Variants in SEC63 observed in about 807,000 individuals in gnomAD.
SEC63 encodes the protein SEC63 protein translocation regulator.
SEC63 carries 56 observed loss-of-function variants against 116.2 expected under a neutral mutation model. The observed-to-expected ratio is 0.48, with a 90% confidence interval of 0.39 to 0.60. The LOEUF is 0.60. Ranked by LOEUF, SEC63 falls within the 20% of genes least tolerant of loss-of-function variation. The probability of loss-of-function intolerance (pLI) is 0.00; values close to 1 mark genes in which losing one functional copy is unlikely to be tolerated. For missense variants in SEC63, 668 were observed against 900.0 expected (o/e 0.74, Z 3.30); for synonymous variants, 273 against 294.6 (o/e 0.93, Z 0.75).
chr6:107,901,321 C>T, intron 13 of SEC63, 49 bp downstream of exon 13: 1 of 1,561,602 alleles, frequency 6.4e-7, no homozygotes. Flanking sequence ...AAATGAGAAC[C>T]AATCTATCAA....
At chr6:107,914,387 A>C (rs749792528) in intron 4 of SEC63, among the ~76,000 whole-genome samples, 1 of 152,180 alleles carries the variant, frequency 6.6e-6, no homozygotes, top group Non-Finnish European at 1.5e-5. Context: ...GAGGCAATGT[A>C]GTTTCTATTT....
intron 17 of SEC63, 118 bp downstream of exon 17, chr6:107,882,870 A>G (rs1786442953): frequency 4.5e-6 from 3 of 666,982 alleles, no homozygotes; most frequent in Non-Finnish European, 7.8e-6. Context: ...AAATATACAG[A>G]TATTATTTAA....
intron 1 of SEC63, among the ~76,000 whole-genome samples, chr6:107,947,654 A>G (rs1290458974): frequency 2.6e-5 from 4 of 152,230 alleles, no homozygotes; most frequent in Admixed American, 2.0e-4. Flanking sequence ...AGCTTTCAAG[A>G]GGACAAGAAA....
In SEC63 at chr6:107,941,781, A is replaced by G. The variant is rs145571541; in HGVS notation, c.125-12267T>C. On this transcript the variant is annotated intron_variant, in intron 1 of 20. Transcript: ENST00000369002. ...AATTAGAGGGCTGCCCTGCTGCTTC[A>G]ATCAGGGCCTGTAAGGGCCCTTTTG... 4.1e-3 allele frequency among the ~76,000 whole-genome samples: 630 copies of G among 152,346 alleles called. 4 individuals are homozygous for G. Among genetic ancestry groups the G allele is most frequent in the African/African-American group, 0.014 (591 of 41,586 alleles).
chr6:107,880,037 A>AC (rs1300747250), intron 18 of SEC63, among the ~76,000 whole-genome samples: 1 of 152,206 alleles, frequency 6.6e-6, no homozygotes, highest in Non-Finnish European at 1.5e-5. Flanking sequence ...AATGGAATTT[A>AC]CTTGCTTCAT....
intron 19 of SEC63, among the ~76,000 whole-genome samples, chr6:107,874,551 A>T (rs1003761726): frequency 1.4e-5 from 2 of 147,324 alleles, no homozygotes; most frequent in African/African-American, 5.0e-5. Context: ...AGCCGAGATC[A>T]TGCCACTGCA....
rs1040414631 is a variant in SEC63, at chr6:107,868,116, A to G, written c.*3588T>C. ...GAGACATATTTGGACTAATCACTAC[A>G]CAGCTGGCAAAATGTTATGGTTCAC... On this transcript the variant is annotated 3_prime_UTR_variant, in exon 21 of 21. Coordinates refer to ENST00000369002, the MANE Select transcript of SEC63 (RefSeq NM_007214.5). 1 of 26,656 alleles carries G rather than the reference A, an allele frequency of 3.8e-5. No homozygotes were observed. Among genetic ancestry groups the G allele is most frequent in the Non-Finnish European group, 8.5e-5 (1 of 11,788 alleles). 1.7% of individuals were successfully genotyped at this position (26,656 alleles called of 1,614,324 possible).
chr6:107,875,950 A>G, intron 19 of SEC63, among the ~76,000 whole-genome samples: 1 of 152,230 alleles, frequency 6.6e-6, no homozygotes, highest in South Asian at 2.1e-4. Flanking sequence ...CCACTTGATT[A>G]TAAAGGGTTA....
At chr6:107,951,741 T>C (rs1457810011) in intron 1 of SEC63, among the ~76,000 whole-genome samples, 1 of 151,790 alleles carries the variant, frequency 6.6e-6, no homozygotes, top group Admixed American at 6.6e-5. Flanking sequence ...CCCAGCACTT[T>C]GGGAGGCTGA....
intron 10 of SEC63, 88 bp from the exon 11 acceptor site, chr6:107,904,809 G>A: frequency 1.0e-6 from 1 of 952,588 alleles, no homozygotes; most frequent in Non-Finnish European, 1.7e-6. Context: ...TAATATTAAA[G>A]TTATGCCACA....
chr6:107,924,816 ACAGGATC>A lies in SEC63; in HGVS notation c.334_339+1del. ...TATGCATTATATAAAAATACTACTT[ACAGGATC>A]CAAATTTAATACTTCATAAGGATTG... On this transcript the variant is annotated splice_donor_variant and coding_sequence_variant, in exon 3 of 21. Transcript: ENST00000369002. LOFTEE classifies it high-confidence loss of function. The A allele has an allele frequency of 7.2e-7, 1 of 1,396,414 alleles. No homozygotes were observed. The highest frequency in any genetic ancestry group is 1.7e-5 in the Admixed American group (1 of 59,732). The allele number at this position is 1,396,414 out of a possible 1,614,324, so 86.5% of individuals were successfully genotyped here.
chr6:107,881,207 GCTCT>G lies in SEC63; in HGVS notation c.1873_1876del (p.Arg625LeufsTer9). On this transcript the variant is annotated frameshift_variant, in exon 18 of 21. Transcript: ENST00000369002. LOFTEE classifies it high-confidence loss of function. ...TATTTTTGATTTGGTTTCCAATAGAGCTCTCTCTTTTCGCTGTATGCTTTGTTGT... is the reference window on the plus strand; with the variant it reads ...TATTTTTGATTTGGTTTCCAATAGAGCTCTTTTCGCTGTATGCTTTGTTGT... The G allele has an allele frequency of 1.2e-6, 2 of 1,613,072 alleles. No individual in the cohort carries two copies. The highest frequency in any genetic ancestry group is 1.7e-6 in the Non-Finnish European group (2 of 1,179,702).
intron 8 of SEC63, among the ~76,000 whole-genome samples, chr6:107,907,474 C>T (rs193033980): frequency 6.6e-6 from 1 of 151,942 alleles, no homozygotes; most frequent in East Asian, 1.9e-4. Flanking sequence ...CCCAGCTACT[C>T]GGGAGGCTGA....
Position 107,871,587 on chromosome 6 carries a change from A to T in SEC63, c.*117T>A. ...TATATTATGCACCCATTTCAAGAGT[A>T]AAAAAACTACACCTCCCTCAACATC... On this transcript the variant is annotated 3_prime_UTR_variant, in exon 21 of 21. Coordinates refer to ENST00000369002, the MANE Select transcript of SEC63 (RefSeq NM_007214.5). 2 of 950,296 alleles carry T rather than the reference A, an allele frequency of 2.1e-6. No individual in the cohort carries two copies. The highest frequency in any genetic ancestry group is 2.7e-5 in the South Asian group (2 of 75,386). The allele number at this position is 950,296 out of a possible 1,614,324, so 58.9% of individuals were successfully genotyped here. A position where few individuals can be genotyped will look rare whatever the true frequency, so the allele number is the denominator to read the frequency against.
chr6:107,935,229 G>A (rs1437351355), intron 1 of SEC63, among the ~76,000 whole-genome samples: 2 of 149,664 alleles, frequency 1.3e-5, no homozygotes, highest in African/African-American at 2.5e-5. Flanking sequence ...GCCTCTGCCC[G>A]GCCGCCCCTA....
intron 1 of SEC63, among the ~76,000 whole-genome samples, chr6:107,940,188 A>AG (rs982025935): frequency 2.6e-5 from 4 of 152,160 alleles, no homozygotes; most frequent in Admixed American, 2.0e-4. Flanking sequence ...ACTAAAAAAA[A>AG]AAACAAACAC....
At chr6:107,943,576 T>C (rs1034472903) in intron 1 of SEC63, among the ~76,000 whole-genome samples, 7 of 152,302 alleles carry the variant, frequency 4.6e-5, no homozygotes, top group Admixed American at 1.3e-4. Flanking sequence ...GAAGGGTTCT[T>C]TTGAGAGAAA....
In SEC63 at chr6:107,869,937, G is replaced by A. The variant is rs1786091600; in HGVS notation, c.*1767C>T. ...AACAACTTTTCTTGAAATCTTTCAA[G>A]AAAACTAGGAAATATGCATTCTACA... On this transcript the variant is annotated 3_prime_UTR_variant, in exon 21 of 21. Transcript: ENST00000369002. The A allele has an allele frequency of 6.6e-6, 1 of 151,480 alleles. No homozygotes were observed. Among genetic ancestry groups the A allele is most frequent in the Non-Finnish European group, 1.5e-5 (1 of 67,916 alleles). The allele number at this position is 151,480 out of a possible 1,614,324, so 9.4% of individuals were successfully genotyped here.
At chr6:107,906,614 C>T (rs1554235384) in intron 9 of SEC63, 34 bp from the exon 10 acceptor site, 4 of 1,608,132 alleles carry the variant, frequency 2.5e-6, no homozygotes, top group African/African-American at 1.3e-5. Context: ...CAAAAACACG[C>T]TTTTTTTAAA....
Sources: gnomAD v4.1 joint callset for allele counts (sites outside exome capture counted in the v4.1 genomes callset) on GRCh38, gnomAD v4.1.1 for gene constraint, MANE v1.5 for transcripts, NCBI Gene and HGNC (gene_info 2026-07-23, HGNC 2026-07-21) for gene names.